LRP1: variants seen among roughly 807,000 people sequenced by gnomAD.
LRP1 encodes prolow-density lipoprotein receptor-related protein 1.
A neutral mutation model predicts 541.5 loss-of-function variants in LRP1; 51 were observed. The ratio of observed to expected loss-of-function variants is 0.09; its 90% CI spans 0.08 to 0.12. The LOEUF (loss-of-function observed/expected upper bound fraction) is 0.12, where lower values mean the gene tolerates loss of function less well. LRP1 is among the 10% of genes least tolerant of loss of function. The pLI is 1.00. For synonymous variants in LRP1, 2,219 were observed against 2,470.8 expected, an observed-to-expected ratio of 0.90 and a Z score of 3.02; for missense variants, 3,878 against 6,376.2, an observed-to-expected ratio of 0.61 and a Z score of 13.34.
chr12:57,153,053 G>C (rs190099181), intron 6 of LRP1, among the ~76,000 whole-genome samples: 43 of 152,318 alleles, frequency 2.8e-4, no homozygotes, highest in Non-Finnish European at 2.8e-4. Flanking sequence ...GGGTAATGGA[G>C]GATGAGTTTC....
chr12:57,181,729 G>T (rs892921927), intron 34 of LRP1, among the ~76,000 whole-genome samples: 3 of 152,156 alleles, frequency 2.0e-5, no homozygotes, highest in African/African-American at 7.2e-5. Flanking sequence ...CAACCTGGCC[G>T]CAATGGTGGT....
Position 57,183,958 on chromosome 12 carries a change from G to A in LRP1, c.5929+49G>A, listed in dbSNP as rs1043337213. Reference sequence around the variant, plus strand: ...GGCTTGGGGTGTGGCAGAGGACTGGGGGACGAAGTGAGAGGAGGAGTTGGC... The same window carrying A: ...GGCTTGGGGTGTGGCAGAGGACTGGAGGACGAAGTGAGAGGAGGAGTTGGC... On this transcript the variant is annotated intron_variant, in intron 36 of 88. Transcript: ENST00000243077. The surrounding 1 kb of genome is among the most constrained non-coding windows in gnomAD (Gnocchi z 6.1). 2 of 1,611,542 alleles carry A rather than the reference G, an allele frequency of 1.2e-6. No homozygotes were observed. Among genetic ancestry groups the A allele is most frequent in the African/African-American group, 2.7e-5 (2 of 74,888 alleles).
intron 34 of LRP1, among the ~76,000 whole-genome samples, chr12:57,181,534 G>A (rs558778673): frequency 6.6e-6 from 1 of 152,316 alleles, no homozygotes; most frequent in South Asian, 2.1e-4. Flanking sequence ...GGTTTTCTAG[G>A]ACAAGTAGGA....
Position 57,156,756 on chromosome 12 carries a change from A to G in LRP1, c.1418-21A>G. ...CACAGGGGCTCTGAGGGGTCCTAACAGCTCTTCACCCTGCCCCCAGTGAGG... is the reference window on the plus strand; with the variant it reads ...CACAGGGGCTCTGAGGGGTCCTAACGGCTCTTCACCCTGCCCCCAGTGAGG... On this transcript the variant is annotated intron_variant, in intron 9 of 88. Coordinates refer to ENST00000243077, the MANE Select transcript of LRP1 (RefSeq NM_002332.3). This position sits in a 1 kb window ranked among gnomAD's most constrained non-coding sequence, Gnocchi z 5.2. 1 of 1,593,646 alleles carries G rather than the reference A, an allele frequency of 6.3e-7. No homozygotes were observed. Among genetic ancestry groups the G allele is most frequent in the Non-Finnish European group, 8.6e-7 (1 of 1,165,602 alleles).
chr12:57,194,345 C>T lies in LRP1; in HGVS notation c.7919-9C>T. 3 of 1,511,582 alleles carry T rather than the reference C, an allele frequency of 2.0e-6. No individual in the cohort carries two copies. Among genetic ancestry groups the T allele is most frequent in the Non-Finnish European group, 2.7e-6 (3 of 1,131,430 alleles). 93.6% of individuals were successfully genotyped at this position (1,511,582 alleles called of 1,614,324 possible). On this transcript the variant is annotated splice_polypyrimidine_tract_variant and intron_variant, in intron 48 of 88. Coordinates refer to ENST00000243077, the MANE Select transcript of LRP1 (RefSeq NM_002332.3). ...AACCAGGTATCACCCTCACCCCTGC[C>T]CCCACCAGGTGCCACCGACTGCAGC...
At chr12:57,187,597 G>A in intron 42 of LRP1, 141 bp downstream of exon 42, 1 of 841,066 alleles carries the variant, frequency 1.2e-6, no homozygotes, top group Non-Finnish European at 1.8e-6. Context: ...GTGATCTGGG[G>A]AGAGGTGCAA....
In LRP1 at chr12:57,179,977, CG is replaced by C; in HGVS notation, c.5141+25del. The C allele has an allele frequency of 6.2e-7, 1 of 1,613,862 alleles. No individual in the cohort carries two copies. Among genetic ancestry groups the C allele is most frequent in the East Asian group, 2.2e-5 (1 of 44,880 alleles). On this transcript the variant is annotated intron_variant, in intron 30 of 88. Transcript: ENST00000243077. The surrounding 1 kb of genome is among the most constrained non-coding windows in gnomAD (Gnocchi z 6.8). ...CGTGGGTCAGTCTAGGGCCCAGGGCCGGGGAGCATGGGGTGTGGGGCTGGGA... is the reference window on the plus strand; with the variant it reads ...CGTGGGTCAGTCTAGGGCCCAGGGCCGGGAGCATGGGGTGTGGGGCTGGGA...
At chr12:57,134,592 A>G (rs2035114780) in intron 1 of LRP1, among the ~76,000 whole-genome samples, 1 of 152,178 alleles carries the variant, frequency 6.6e-6, no homozygotes, top group South Asian at 2.1e-4. Context: ...CATGTTGCCC[A>G]GGCTGGTCTC....
At chr12:57,196,345 T>TATTC in intron 55 of LRP1, 68 bp downstream of exon 55, 1 of 1,353,974 alleles carries the variant, frequency 7.4e-7, no homozygotes, top group Non-Finnish European at 1.0e-6. Flanking sequence ...TCCACTGCCT[T>TATTC]ATTCATTCAT....
chr12:57,147,173 G>T (rs75505823), intron 6 of LRP1, among the ~76,000 whole-genome samples: 6,169 of 151,752 alleles, frequency 0.041, 178 homozygotes, highest in Non-Finnish European at 0.061. Flanking sequence ...AAATGCTTGT[G>T]GGGTAAATGA....
chr12:57,160,881 C>T lies in LRP1; in HGVS notation c.1980-12C>T, dbSNP rs553113222. On this transcript the variant is annotated splice_polypyrimidine_tract_variant and intron_variant, in intron 12 of 88. Transcript: ENST00000243077. ...GGGTGCCCAGGTGATGCTGACCAGT[C>T]GCTGCCCACAGGTGGATGTACTGGA... 2.2e-5 allele frequency: 36 copies of T among 1,608,972 alleles called. No individual in the cohort carries two copies. In the Middle Eastern group the frequency reaches 5.1e-4, roughly 23 times the overall value.
chr12:57,208,348 T>C, intron 77 of LRP1, 132 bp downstream of exon 77: 1 of 1,006,622 alleles, frequency 9.9e-7, no homozygotes, highest in East Asian at 2.6e-5. Context: ...TTCAGTCCCT[T>C]GGGTCTTCTC....
At chr12:57,175,851 C>A in intron 23 of LRP1, 58 bp from the exon 24 acceptor site, 1 of 1,596,378 alleles carries the variant, frequency 6.3e-7, no homozygotes, top group Admixed American at 1.7e-5. Context: ...TGCGCCAGGA[C>A]GGGTGGCACA....
chr12:57,129,671 G>C (rs537185834), intron 1 of LRP1, among the ~76,000 whole-genome samples: 3 of 152,332 alleles, frequency 2.0e-5, no homozygotes, highest in East Asian at 1.9e-4. Flanking sequence ...GGCTGTGTTG[G>C]GGGGCAGAGA....
intron 3 of LRP1, among the ~76,000 whole-genome samples, chr12:57,142,333 G>A (rs2035311614): frequency 6.6e-6 from 1 of 152,252 alleles, no homozygotes; most frequent in Admixed American, 6.5e-5. Flanking sequence ...CCCTAGGGGA[G>A]GGGCTGTGCT....
intron 11 of LRP1, among the ~76,000 whole-genome samples, chr12:57,159,572 A>G (rs1256856055): frequency 1.3e-5 from 2 of 152,188 alleles, no homozygotes; most frequent in African/African-American, 4.8e-5. Context: ...CACATCAGCC[A>G]TGTAGTTTAC....
intron 1 of LRP1, among the ~76,000 whole-genome samples, chr12:57,131,766 T>C (rs1257526224): frequency 3.9e-5 from 6 of 152,122 alleles, no homozygotes; most frequent in African/African-American, 2.4e-5. Context: ...CTCTCTTCAT[T>C]TTCTCAACCA....
Position 57,201,421 on chromosome 12 carries a change from A to G in LRP1, c.10346-76A>G. 1 of 1,543,378 alleles carries G rather than the reference A, an allele frequency of 6.5e-7. No homozygotes were observed. The stretch of plus-strand genomic sequence containing the variant: ...GGCAGGACCAAGGCCAGGGCTTGGA[A>G]GAGAGAGAAGACAGTGATGGTGAAC... On this transcript the variant is annotated intron_variant, in intron 65 of 88. Transcript: ENST00000243077. The surrounding 1 kb of genome is among the most constrained non-coding windows in gnomAD (Gnocchi z 6.4).
At chr12:57,150,277 T>C (rs1159287315) in intron 6 of LRP1, among the ~76,000 whole-genome samples, 1 of 141,554 alleles carries the variant, frequency 7.1e-6, no homozygotes, top group Non-Finnish European at 1.5e-5. Flanking sequence ...CTGCAAGCTC[T>C]GCCTCCCGGG....
Sources: gnomAD v4.1 joint callset for allele counts (sites outside exome capture counted in the v4.1 genomes callset) on GRCh38, gnomAD v4.1.1 for gene constraint, Gnocchi (gnomAD v3.1) non-coding constraint, MANE v1.5 for transcripts, NCBI Gene and HGNC (gene_info 2026-07-23, HGNC 2026-07-21) for gene names.